Variants in EXOC2 observed in about 807,000 individuals in gnomAD.
EXOC2 encodes SEC5-like 1.
A neutral mutation model predicts 131.8 loss-of-function variants in EXOC2; 70 were observed. That is an observed-to-expected ratio of 0.53 (90% CI 0.44 to 0.65). The LOEUF (loss-of-function observed/expected upper bound fraction) is 0.65, where lower values mean the gene tolerates loss of function less well. EXOC2 is among the 30% of genes least tolerant of loss of function. The pLI is 0.00. For missense variants in EXOC2, 923 were observed against 1,108.6 expected (o/e 0.83, Z 2.38); for synonymous variants, 411 against 398.4 (o/e 1.03, Z -0.38).
At chr6:637,934 ACAGT>A in intron 1 of EXOC2, 73 bp from the exon 2 acceptor site, 2 of 937,320 alleles carry the variant, frequency 2.1e-6, no homozygotes, top group Non-Finnish European at 1.6e-6. Context: ...AGAATGCTAG[ACAGT>A]CAGTACCAAA....
Position 655,249 on chromosome 6 carries a change from C to T in EXOC2, c.-43-17388G>A, listed in dbSNP as rs552983512. Among the ~76,000 whole-genome samples, 66 of 152,332 alleles carry T rather than the reference C, an allele frequency of 4.3e-4. 1 individual carries two copies. The highest frequency in any genetic ancestry group is 1.6e-3 in the African/African-American group (66 of 41,580). On this transcript the variant is annotated intron_variant, in intron 1 of 27. Transcript: ENST00000230449. ...TCAAGAGGGAGGTAAAGACCTCCCA[C>T]CAGCAAAAAGATTATGACTTGCTGA... is the stretch of plus-strand genomic sequence containing the variant.
chr6:582,565 C>T (rs547532306), intron 11 of EXOC2, among the ~76,000 whole-genome samples: 7 of 149,208 alleles, frequency 4.7e-5, no homozygotes, highest in South Asian at 2.2e-4. Flanking sequence ...CCTCCGCAGA[C>T]GCAGGCAGGA....
At chr6:576,586 T>A (rs1011405824) in intron 12 of EXOC2, among the ~76,000 whole-genome samples, 171 bp downstream of exon 12, 3 of 152,222 alleles carry the variant, frequency 2.0e-5, no homozygotes, top group Admixed American at 2.0e-4. Context: ...ATGTAATATA[T>A]ATTTTAATTA....
At chr6:577,282 C>T (rs534677686) in intron 11 of EXOC2, among the ~76,000 whole-genome samples, 12 of 152,142 alleles carry the variant, frequency 7.9e-5, no homozygotes, top group Non-Finnish European at 1.5e-4. Context: ...CCAAATCCCA[C>T]CATTTGTTTC....
chr6:616,496 G>A (rs1040133514), intron 6 of EXOC2, among the ~76,000 whole-genome samples: 9 of 150,780 alleles, frequency 6.0e-5, no homozygotes, highest in Middle Eastern at 3.2e-3. Context: ...CCAGCTCCTC[G>A]GGAGGCTGAG....
At chr6:672,499 C>CAAAAT (rs1763919895) in intron 1 of EXOC2, among the ~76,000 whole-genome samples, 1 of 152,170 alleles carries the variant, frequency 6.6e-6, no homozygotes, top group African/African-American at 2.4e-5. Flanking sequence ...TTGTTCAAAG[C>CAAAAT]TGGATATGCT....
At chr6:634,269 G>C (rs986588516) in intron 2 of EXOC2, among the ~76,000 whole-genome samples, 1 of 151,976 alleles carries the variant, frequency 6.6e-6, no homozygotes, top group Non-Finnish European at 1.5e-5. Flanking sequence ...ATTTTTTTTA[G>C]AGACACAGTT....
chr6:607,821 G>GAGAAAC (rs1760500115), intron 7 of EXOC2, among the ~76,000 whole-genome samples: 1 of 152,126 alleles, frequency 6.6e-6, no homozygotes, highest in South Asian at 2.1e-4. Flanking sequence ...ACACAGACAT[G>GAGAAAC]AGAAACACAT....
chr6:503,034 C>T (rs184918517), intron 23 of EXOC2, among the ~76,000 whole-genome samples: 4 of 152,288 alleles, frequency 2.6e-5, no homozygotes, highest in African/African-American at 4.8e-5. Context: ...TGCGAGCTGC[C>T]ATCATAACCT....
intron 20 of EXOC2, among the ~76,000 whole-genome samples, chr6:554,614 C>T (rs766364256): frequency 3.9e-5 from 6 of 151,952 alleles, no homozygotes; most frequent in Non-Finnish European, 7.4e-5. Context: ...GGATAAATTC[C>T]CAAGTTGTCA....
intron 23 of EXOC2, among the ~76,000 whole-genome samples, chr6:508,267 C>T (rs1417925452): frequency 6.6e-6 from 1 of 151,328 alleles, no homozygotes; most frequent in East Asian, 1.9e-4. Context: ...CAGAGGGGTG[C>T]ATTTGTTACA....
chr6:663,835 T>G (rs1229809142), intron 1 of EXOC2, among the ~76,000 whole-genome samples: 1 of 152,150 alleles, frequency 6.6e-6, no homozygotes, highest in Non-Finnish European at 1.5e-5. Context: ...AACATAATAC[T>G]GAATGGGGAA....
At chr6:634,571 A>G (rs1484938736) in intron 2 of EXOC2, among the ~76,000 whole-genome samples, 1 of 152,242 alleles carries the variant, frequency 6.6e-6, no homozygotes, top group Non-Finnish European at 1.5e-5. Context: ...ACTATTTAGT[A>G]AGAATGTTAA....
chr6:563,785 TAAC>T (rs772388202), intron 16 of EXOC2, among the ~76,000 whole-genome samples: 14 of 152,210 alleles, frequency 9.2e-5, no homozygotes, highest in Non-Finnish European at 1.8e-4. Flanking sequence ...ACATTTATCA[TAAC>T]AATATTCTTA....
At chr6:505,729 G>A (rs551030953) in intron 23 of EXOC2, among the ~76,000 whole-genome samples, 95 of 152,212 alleles carry the variant, frequency 6.2e-4, no homozygotes, top group African/African-American at 2.2e-3. Flanking sequence ...CTATTGGACC[G>A]TACACTCCAC....
chr6:631,606 G>A (rs1333013595), intron 3 of EXOC2, among the ~76,000 whole-genome samples: 1 of 151,784 alleles, frequency 6.6e-6, no homozygotes, highest in African/African-American at 2.4e-5. Context: ...GTCCTGGAAT[G>A]AGTATTCCAG....
intron 1 of EXOC2, among the ~76,000 whole-genome samples, chr6:642,517 C>A (rs900687172): frequency 6.6e-6 from 1 of 152,032 alleles, no homozygotes; most frequent in African/African-American, 2.4e-5. Context: ...TGGATTTTTT[C>A]CTATCTCTTT....
chr6:659,309 G>C (rs903412524), intron 1 of EXOC2, among the ~76,000 whole-genome samples: 2 of 152,186 alleles, frequency 1.3e-5, no homozygotes, highest in East Asian at 3.8e-4. Flanking sequence ...GAATCCTCTA[G>C]AGCAGTGTTT....
At chr6:549,414 T>C (rs1259990916) in intron 21 of EXOC2, 123 bp from the exon 22 acceptor site, 9 of 661,636 alleles carry the variant, frequency 1.4e-5, no homozygotes, top group Non-Finnish European at 2.3e-5. Context: ...GCTTTGCTTT[T>C]CTTGGCTGCT....
Sources: allele counts gnomAD v4.1 joint callset (sites outside exome capture counted in the v4.1 genomes callset), GRCh38; gene constraint gnomAD v4.1.1; transcripts MANE v1.5; gene names NCBI Gene and HGNC (gene_info 2026-07-23, HGNC 2026-07-21).